The following ARFGEF3 variants were observed in gnomAD, a reference collection of about 807,000 sequenced individuals.
ARFGEF3 encodes the protein brefeldin A-inhibited guanine nucleotide-exchange protein 3.
In ARFGEF3, 96 loss-of-function variants were observed where a neutral mutation model predicts 221.7. The ratio of observed to expected loss-of-function variants is 0.43; its 90% CI spans 0.37 to 0.51. The LOEUF (loss-of-function observed/expected upper bound fraction) is 0.51. ARFGEF3 is among the 20% of genes least tolerant of loss of function. The pLI, the probability that ARFGEF3 is intolerant of heterozygous loss-of-function variation, is 0.00. For missense variants in ARFGEF3, 2,410 were observed against 2,789.9 expected, an observed-to-expected ratio of 0.86 and a Z score of 3.07; for synonymous variants, 1,145 against 1,126.8, an observed-to-expected ratio of 1.02 and a Z score of -0.32.
At chr6:138,240,774 A>G (rs1269317331) in intron 6 of ARFGEF3, among the ~76,000 whole-genome samples, 1 of 152,224 alleles carries the variant, frequency 6.6e-6, no homozygotes, top group African/African-American at 2.4e-5. Context: ...GGAGGGAGAC[A>G]TAAGTTTTGC....
chr6:138,281,617 T>C (rs1779198413), intron 14 of ARFGEF3, among the ~76,000 whole-genome samples: 1 of 152,274 alleles, frequency 6.6e-6, no homozygotes, highest in African/African-American at 2.4e-5. Context: ...CCTTCAGCTA[T>C]GTCCATGTTG....
chr6:138,255,217 T>A (rs550210953), intron 9 of ARFGEF3, among the ~76,000 whole-genome samples: 1 of 152,222 alleles, frequency 6.6e-6, no homozygotes, highest in Non-Finnish European at 1.5e-5. Flanking sequence ...ATGCTTCTCT[T>A]ATATTTTATT....
chr6:138,166,552 GT>G (rs1776726730), intron 1 of ARFGEF3, among the ~76,000 whole-genome samples: 1 of 152,196 alleles, frequency 6.6e-6, no homozygotes, highest in South Asian at 2.1e-4. Flanking sequence ...TATCTGGTTG[GT>G]TGTTTTTGTT....
intron 12 of ARFGEF3, among the ~76,000 whole-genome samples, chr6:138,264,290 G>A (rs951744118): frequency 6.6e-6 from 1 of 152,206 alleles, no homozygotes; most frequent in Non-Finnish European, 1.5e-5. Flanking sequence ...ATACAGGGAA[G>A]TAGTAGCATT....
Position 138,226,791 on chromosome 6 carries a change from C to A in ARFGEF3, c.352-2993C>A, listed in dbSNP as rs113235495. Among the ~76,000 whole-genome samples, 52 of 152,240 alleles carry A rather than the reference C, an allele frequency of 3.4e-4. No homozygotes were observed. In the East Asian group the frequency reaches 5.8e-3, roughly 17 times the overall value. ...ACCCCTAGTCTGTGTTTTAATCCGGCGAATTAATACATGCTAAGCATTGGG... is the reference window on the plus strand; with the variant it reads ...ACCCCTAGTCTGTGTTTTAATCCGGAGAATTAATACATGCTAAGCATTGGG... On this transcript the variant is annotated intron_variant, in intron 4 of 33. Transcript: ENST00000251691.
chr6:138,164,552 G>A (rs927107361), intron 1 of ARFGEF3, among the ~76,000 whole-genome samples: 11 of 152,200 alleles, frequency 7.2e-5, no homozygotes, highest in African/African-American at 2.7e-4. Flanking sequence ...TTGGATAATA[G>A]TTGATTGTGT....
At chr6:138,249,368 C>T (rs982624556) in intron 8 of ARFGEF3, among the ~76,000 whole-genome samples, 2 of 152,192 alleles carry the variant, frequency 1.3e-5, no homozygotes, top group African/African-American at 4.8e-5. Context: ...CTCACTCTGT[C>T]GCCCAGGCTG....
chr6:138,311,459 G>T lies in ARFGEF3; in HGVS notation c.4149G>T (p.Pro1383=). ...IGDCAPAPGA[P]STDLCLPALD... ...ACTGTGCCCCAGCACCCGGAGCCCC[G>T]TCCACAGACCTGTGCCTCCCGGCCC... Residue 1383 remains proline, a synonymous_variant, in exon 25 of 34, where the codon CCG becomes CCT. Coordinates refer to ENST00000251691, the MANE Select transcript of ARFGEF3 (RefSeq NM_020340.5). The T allele has an allele frequency of 2.5e-6, 4 of 1,608,680 alleles. No homozygotes were observed. Among genetic ancestry groups the T allele is most frequent in the Non-Finnish European group, 2.5e-6 (3 of 1,177,906 alleles).
At chr6:138,282,836 G>A (rs1214691364) in intron 14 of ARFGEF3, among the ~76,000 whole-genome samples, 1 of 152,138 alleles carries the variant, frequency 6.6e-6, no homozygotes, top group East Asian at 1.9e-4. Context: ...ATCACTTGAG[G>A]TCAGGAGTTC....
intron 26 of ARFGEF3, among the ~76,000 whole-genome samples, chr6:138,316,873 T>C (rs1393491282): frequency 1.3e-5 from 2 of 152,236 alleles, no homozygotes; most frequent in African/African-American, 2.4e-5. Context: ...TTTTCTGTTC[T>C]ATATATTTAC....
intron 4 of ARFGEF3, among the ~76,000 whole-genome samples, chr6:138,229,322 A>C (rs1012951255): frequency 3.1e-4 from 47 of 152,252 alleles, no homozygotes; most frequent in African/African-American, 1.1e-3. Context: ...GTATGACCTT[A>C]GGTAACATAT....
Position 138,337,823 on chromosome 6 carries a change from CTCAA to C in ARFGEF3, c.*1342_*1345del, listed in dbSNP as rs1273794162. On this transcript the variant is annotated 3_prime_UTR_variant, in exon 34 of 34. Transcript: ENST00000251691. ...ACATTATCCTAATGATTGAAAACTC[CTCAA>C]TCAAGCTTACTTACACACATTCTAC... 6.6e-6 allele frequency: 1 copy of C among 152,084 alleles called. No individual in the cohort carries two copies. The highest frequency in any genetic ancestry group is 6.6e-5 in the Admixed American group (1 of 15,260). The allele number at this position is 152,084 out of a possible 1,614,324, so 9.4% of individuals were successfully genotyped here.
At chr6:138,188,681 A>C (rs1335651077) in intron 2 of ARFGEF3, among the ~76,000 whole-genome samples, 3 of 152,268 alleles carry the variant, frequency 2.0e-5, no homozygotes. Context: ...GTGCCCACAC[A>C]CAAACCCAAC....
chr6:138,240,499 G>A (rs1268005980), intron 6 of ARFGEF3, among the ~76,000 whole-genome samples: 1 of 152,142 alleles, frequency 6.6e-6, no homozygotes, highest in Non-Finnish European at 1.5e-5. Context: ...GAATGGCAAA[G>A]GTATGGCTGT....
chr6:138,186,316 A>G (rs1471351438), intron 2 of ARFGEF3, among the ~76,000 whole-genome samples: 1 of 152,146 alleles, frequency 6.6e-6, no homozygotes, highest in Non-Finnish European at 1.5e-5. Context: ...AGATGGGGCT[A>G]TTTTCCTCAT....
intron 4 of ARFGEF3, among the ~76,000 whole-genome samples, chr6:138,210,748 G>C (rs1777710468): frequency 3.3e-5 from 5 of 152,166 alleles, no homozygotes; most frequent in Admixed American, 3.3e-4. Context: ...AATGTATTCT[G>C]TCCTTTTCCT....
At chr6:138,225,611 T>G (rs951730189) in intron 4 of ARFGEF3, among the ~76,000 whole-genome samples, 1 of 152,154 alleles carries the variant, frequency 6.6e-6, no homozygotes, top group African/African-American at 2.4e-5. Context: ...ATGTTTGTAA[T>G]CCCACAATTA....
chr6:138,251,095 A>G (rs764373986), intron 8 of ARFGEF3, among the ~76,000 whole-genome samples: 5 of 152,190 alleles, frequency 3.3e-5, no homozygotes, highest in Non-Finnish European at 5.9e-5. Flanking sequence ...TGCTGCGTTC[A>G]GTCTCCAAGG....
chr6:138,308,839 T>A lies in ARFGEF3; in HGVS notation c.4074T>A (p.Leu1358=). Residue 1358 remains leucine (L), a synonymous_variant, in exon 24 of 34, where the codon CTT becomes CTA. Coordinates refer to ENST00000251691, the MANE Select transcript of ARFGEF3 (RefSeq NM_020340.5). ...ANAATSYIMC[L]MKFVKGLGEV... ...CAGCCACTAGCTACATCATGTGCCT[T>A]ATGAAGTTTGTCAAAGGACTGGGTA... is the stretch of plus-strand genomic sequence containing the variant. 6.2e-7 allele frequency: 1 copy of A among 1,614,034 alleles called. No homozygotes were observed. Among genetic ancestry groups the A allele is most frequent in the Non-Finnish European group, 8.5e-7 (1 of 1,179,892 alleles).
Sources: allele counts gnomAD v4.1 joint callset (sites outside exome capture counted in the v4.1 genomes callset), GRCh38; gene constraint gnomAD v4.1.1; transcripts MANE v1.5; gene names NCBI Gene and HGNC (gene_info 2026-07-23, HGNC 2026-07-21).